Variants in NKAIN2 observed in about 807,000 individuals in gnomAD.
NKAIN2 encodes sodium/potassium-transporting ATPase subunit beta-1-interacting protein 2.
A neutral mutation model predicts 32.6 loss-of-function variants in NKAIN2; 14 were observed. The observed-to-expected ratio is 0.43, with a 90% CI of 0.28 to 0.67. The LOEUF (loss-of-function observed/expected upper bound fraction) is 0.67, where lower values mean the gene tolerates loss of function less well. NKAIN2 is among the 30% of genes least tolerant of loss of function. The pLI is 0.17. For missense variants in NKAIN2, 198 were observed against 258.3 expected, an observed-to-expected ratio of 0.77 and a Z score of 1.60; for synonymous variants, 80 against 87.2, an observed-to-expected ratio of 0.92 and a Z score of 0.46.
intron 3 of NKAIN2, among the ~76,000 whole-genome samples, chr6:124,508,568 C>T (rs1485843021): frequency 2.0e-5 from 3 of 152,072 alleles, no homozygotes; most frequent in Non-Finnish European, 4.4e-5. Flanking sequence ...TGGTCTCGAT[C>T]TCTTGACCTC....
intron 5 of NKAIN2, among the ~76,000 whole-genome samples, chr6:124,816,119 A>T (rs1781153303): frequency 6.6e-6 from 1 of 152,200 alleles, no homozygotes; most frequent in South Asian, 2.1e-4. Flanking sequence ...GAAATGCAGT[A>T]TCAAGCCATG....
intron 1 of NKAIN2, among the ~76,000 whole-genome samples, chr6:124,178,136 G>T (rs1199703682): frequency 6.6e-6 from 1 of 152,062 alleles, no homozygotes; most frequent in Non-Finnish European, 1.5e-5. Flanking sequence ...TGCCATGTAA[G>T]AAACAGGAAG....
At chr6:124,668,320 T>A (rs1772913568) in intron 4 of NKAIN2, among the ~76,000 whole-genome samples, 1 of 152,136 alleles carries the variant, frequency 6.6e-6, no homozygotes, top group Non-Finnish European at 1.5e-5. Flanking sequence ...TTGAGTTTCT[T>A]TATCTCCTCT....
chr6:124,273,569 C>T (rs368562858), intron 1 of NKAIN2, among the ~76,000 whole-genome samples: 1 of 152,132 alleles, frequency 6.6e-6, no homozygotes, highest in Non-Finnish European at 1.5e-5. Flanking sequence ...TAGTGTAAAA[C>T]TAATTCTGTC....
chr6:124,476,099 C>T (rs960477575), intron 3 of NKAIN2, among the ~76,000 whole-genome samples: 17 of 109,520 alleles, frequency 1.6e-4, no homozygotes, highest in African/African-American at 6.5e-4. Flanking sequence ...TGTGTGTGTG[C>T]GTGCGCGCGC....
At chr6:123,948,341 C>T (rs953010593) in intron 1 of NKAIN2, among the ~76,000 whole-genome samples, 1 of 151,950 alleles carries the variant, frequency 6.6e-6, no homozygotes, top group African/African-American at 2.4e-5. Flanking sequence ...TGAGAAATTT[C>T]CATACTCTTT....
chr6:124,775,293 G>A (rs904991976), intron 4 of NKAIN2, among the ~76,000 whole-genome samples: 13 of 152,276 alleles, frequency 8.5e-5, no homozygotes, highest in South Asian at 6.2e-4. Flanking sequence ...TTAGGAGGCC[G>A]ATTGGGCCAA....
chr6:123,879,037 A>G (rs548402985), intron 1 of NKAIN2, among the ~76,000 whole-genome samples: 9 of 152,200 alleles, frequency 5.9e-5, no homozygotes, highest in Non-Finnish European at 1.3e-4. Flanking sequence ...TGTTTTCTTT[A>G]AAAAGCATCT....
intron 1 of NKAIN2, among the ~76,000 whole-genome samples, chr6:123,945,300 G>A (rs1314726827): frequency 6.6e-6 from 1 of 152,098 alleles, no homozygotes; most frequent in African/African-American, 2.4e-5. Context: ...ATTAGAAAAT[G>A]AAGAAATGTC....
At position 124,390,000 on chromosome 6, in the gene NKAIN2, A is replaced by T. The variant is rs151048103; in HGVS notation, c.273+34653A>T. Among the ~76,000 whole-genome samples the T allele has an allele frequency of 4.7e-3, 717 of 152,194 alleles. 2 individuals are homozygous for T. The highest frequency in any genetic ancestry group is 0.017 in the African/African-American group (689 of 41,536). ...AGTCCCCATCTTTTATCCTGAAGATATCTGAAGGCTTAGGTTATGTTAGCA... is the reference window on the plus strand; with the variant it reads ...AGTCCCCATCTTTTATCCTGAAGATTTCTGAAGGCTTAGGTTATGTTAGCA... On this transcript the variant is annotated intron_variant, in intron 3 of 6. Coordinates refer to ENST00000368417, the MANE Select transcript of NKAIN2 (RefSeq NM_001040214.3).
intron 1 of NKAIN2, among the ~76,000 whole-genome samples, chr6:124,172,863 A>C (rs183928948): frequency 9.8e-5 from 15 of 152,298 alleles, no homozygotes; most frequent in Non-Finnish European, 2.2e-4. Flanking sequence ...TTTAATATGT[A>C]GTGTGGGAAT....
chr6:123,927,773 A>AT (rs1776070238), intron 1 of NKAIN2, among the ~76,000 whole-genome samples: 1 of 152,176 alleles, frequency 6.6e-6, no homozygotes, highest in Non-Finnish European at 1.5e-5. Context: ...TCAATGCTAC[A>AT]TTCCCTTTTC....
At chr6:124,515,495 TA>T (rs1403404254) in intron 3 of NKAIN2, among the ~76,000 whole-genome samples, 1 of 151,802 alleles carries the variant, frequency 6.6e-6, no homozygotes, top group African/African-American at 2.4e-5. Context: ...TAGCGTCTTT[TA>T]AAAAACCAAC....
Position 123,803,994 on chromosome 6 carries a change from G to A in NKAIN2, c.-207G>A, listed in dbSNP as rs1455151718. On this transcript the variant is annotated 5_prime_UTR_variant, in exon 1 of 7. Transcript: ENST00000368417. Reference sequence around the variant, plus strand: ...GAGCGAGTGAAGGTATGTGTGGCGGGCGCGGCTGGAGCTGCCGCCGCCGCC... The same window carrying A: ...GAGCGAGTGAAGGTATGTGTGGCGGACGCGGCTGGAGCTGCCGCCGCCGCC... 6.9e-6 allele frequency: 4 copies of A among 578,966 alleles called. No individual in the cohort carries two copies. The highest frequency in any genetic ancestry group is 1.9e-5 in the African/African-American group (1 of 52,470). The allele number at this position is 578,966 out of a possible 1,614,324, so 35.9% of individuals were successfully genotyped here.
chr6:123,969,191 C>T (rs1326043846), intron 1 of NKAIN2, among the ~76,000 whole-genome samples: 2 of 152,158 alleles, frequency 1.3e-5, no homozygotes, highest in Non-Finnish European at 2.9e-5. Flanking sequence ...TCCAGTGAGA[C>T]TTACCCTGAC....
intron 2 of NKAIN2, among the ~76,000 whole-genome samples, chr6:124,331,297 C>T (rs534954199): frequency 2.3e-3 from 282 of 125,246 alleles, no homozygotes; most frequent in African/African-American, 7.8e-3. Flanking sequence ...GTCAGGAGAT[C>T]GAGACCATCC....
chr6:124,816,995 G>T (rs777602151), intron 5 of NKAIN2, among the ~76,000 whole-genome samples: 1 of 152,080 alleles, frequency 6.6e-6, no homozygotes, highest in Non-Finnish European at 1.5e-5. Flanking sequence ...CATTTATTAC[G>T]CTCATAGGCT....
chr6:123,901,611 C>G (rs1435339429), intron 1 of NKAIN2, among the ~76,000 whole-genome samples: 1 of 152,084 alleles, frequency 6.6e-6, no homozygotes, highest in Admixed American at 6.5e-5. Flanking sequence ...TAGACATTTC[C>G]CTTCCGGCTC....
intron 2 of NKAIN2, among the ~76,000 whole-genome samples, chr6:124,292,575 G>A (rs1279691041): frequency 2.6e-5 from 4 of 151,254 alleles, no homozygotes; most frequent in African/African-American, 9.7e-5. Flanking sequence ...AGACTCTATG[G>A]GGAAGGCAAC....
Sources: gnomAD v4.1 joint callset for allele counts (sites outside exome capture counted in the v4.1 genomes callset) on GRCh38, gnomAD v4.1.1 for gene constraint, MANE v1.5 for transcripts, NCBI Gene and HGNC (gene_info 2026-07-23, HGNC 2026-07-21) for gene names.